The following TCF3 variants were observed in gnomAD, a reference collection of about 807,000 sequenced individuals.
TCF3 encodes the protein transcription factor E2-alpha.
A neutral mutation model predicts 72.3 loss-of-function variants in TCF3; 54 were observed. That is an observed-to-expected ratio of 0.75 (90% CI 0.60 to 0.94). TCF3 has a LOEUF of 0.94. Ranked by LOEUF, TCF3 falls within the 40% of genes least tolerant of loss-of-function variation. TCF3 has a pLI of 0.00. For synonymous variants in TCF3, 525 were observed against 412.6 expected, an observed-to-expected ratio of 1.27 and a Z score of -3.30; for missense variants, 1,078 against 934.4, an observed-to-expected ratio of 1.15 and a Z score of -2.00.
chr19:1,640,490 G>C (rs1466893009), intron 3 of TCF3, among the ~76,000 whole-genome samples: 2 of 152,074 alleles, frequency 1.3e-5, no homozygotes, highest in African/African-American at 4.8e-5. Context: ...AGAATTCCCA[G>C]TGAATAAGCC....
At chr19:1,613,788 C>T (rs2061277646) in intron 18 of TCF3, among the ~76,000 whole-genome samples, 1 of 151,970 alleles carries the variant, frequency 6.6e-6, no homozygotes. Flanking sequence ...CCAAGATGAG[C>T]CCTCCCTGAG....
At position 1,611,630 on chromosome 19, in the gene TCF3, C is replaced by T; in HGVS notation, c.*77G>A. 6.5e-7 allele frequency: 1 copy of T among 1,539,632 alleles called. No individual in the cohort carries two copies. Among genetic ancestry groups the T allele is most frequent in the Non-Finnish European group, 8.8e-7 (1 of 1,140,028 alleles). On this transcript the variant is annotated 3_prime_UTR_variant, in exon 19 of 19. Transcript: ENST00000262965. ...TGTGAGGTGTGGATGTGGATGAAGC[C>T]CGGGGTCTCGAGTGGCCGTTCTGGG...
chr19:1,624,244 A>G (rs912482070), intron 7 of TCF3, among the ~76,000 whole-genome samples: 2 of 152,138 alleles, frequency 1.3e-5, no homozygotes, highest in Admixed American at 1.3e-4. Flanking sequence ...GAAAATACAA[A>G]AAGTAGCCGG....
intron 3 of TCF3, among the ~76,000 whole-genome samples, chr19:1,644,517 C>G (rs1600097130): frequency 6.6e-6 from 1 of 152,210 alleles, no homozygotes; most frequent in Non-Finnish European, 1.5e-5. Flanking sequence ...AGCCTCCGCC[C>G]TAACGTGTGA....
chr19:1,639,210 A>G (rs1169381938), intron 3 of TCF3, among the ~76,000 whole-genome samples: 2 of 152,152 alleles, frequency 1.3e-5, no homozygotes, highest in Non-Finnish European at 2.9e-5. Context: ...TGCCTGGCTA[A>G]TTTTTTATAT....
chr19:1,640,527 C>G (rs934488886), intron 3 of TCF3, among the ~76,000 whole-genome samples: 1 of 150,956 alleles, frequency 6.6e-6, no homozygotes, highest in Non-Finnish European at 1.5e-5. Flanking sequence ...GCACAGTGCT[C>G]AAGAAACACT....
intron 3 of TCF3, among the ~76,000 whole-genome samples, chr19:1,642,154 A>G (rs1024667253): frequency 1.3e-5 from 2 of 151,658 alleles, no homozygotes; most frequent in African/African-American, 2.4e-5. Context: ...ACACACACAC[A>G]CACACACACA....
At chr19:1,639,074 C>G (rs1568467607) in intron 3 of TCF3, among the ~76,000 whole-genome samples, 1 of 152,168 alleles carries the variant, frequency 6.6e-6, no homozygotes, top group Non-Finnish European at 1.5e-5. Flanking sequence ...GACAGAGTCT[C>G]GCTGTGTCGC....
intron 3 of TCF3, among the ~76,000 whole-genome samples, chr19:1,633,072 G>A (rs2144964031): frequency 6.8e-6 from 1 of 146,172 alleles, no homozygotes; most frequent in South Asian, 2.4e-4. Context: ...CAAGGGACGG[G>A]ACGAGGACCT....
intron 3 of TCF3, among the ~76,000 whole-genome samples, chr19:1,638,658 G>C (rs1203141090): frequency 1.3e-5 from 2 of 150,390 alleles, no homozygotes; most frequent in African/African-American, 2.5e-5. Context: ...CGGACGTTGA[G>C]AGCGCGAGAA....
intron 7 of TCF3, among the ~76,000 whole-genome samples, chr19:1,624,489 G>T (rs932109217): frequency 6.6e-6 from 1 of 152,186 alleles, no homozygotes; most frequent in Non-Finnish European, 1.5e-5. Context: ...GTTTTCTCCC[G>T]CGACGCGCAG....
intron 8 of TCF3, among the ~76,000 whole-genome samples, chr19:1,623,158 T>G (rs933563637): frequency 2.0e-5 from 3 of 151,796 alleles, no homozygotes; most frequent in African/African-American, 7.3e-5. Context: ...GGTGAGGAGA[T>G]GTATGCCCAG....
intron 3 of TCF3, among the ~76,000 whole-genome samples, chr19:1,644,295 T>G (rs915851084): frequency 6.6e-6 from 1 of 151,586 alleles, no homozygotes; most frequent in African/African-American, 2.4e-5. Flanking sequence ...CCTGGGGGAG[T>G]GGAGGCAATG....
At chr19:1,647,118 G>C (rs1600147870) in intron 2 of TCF3, among the ~76,000 whole-genome samples, 1 of 152,324 alleles carries the variant, frequency 6.6e-6, no homozygotes, top group East Asian at 1.9e-4. Context: ...CCCCACAGCT[G>C]ATCCAGCTCC....
Position 1,609,471 on chromosome 19 carries a change from AC to A in TCF3, c.*2235del, listed in dbSNP as rs1189438971. Reference sequence around the variant, plus strand: ...AACCATCTTGAGGCACTCAGATCACACCCCCCACCCCCCATAATTGTGGTTC... The same window carrying A: ...AACCATCTTGAGGCACTCAGATCACACCCCCACCCCCCATAATTGTGGTTC... On this transcript the variant is annotated 3_prime_UTR_variant, in exon 19 of 19. Coordinates refer to ENST00000262965, the MANE Select transcript of TCF3 (RefSeq NM_003200.5). The A allele has an allele frequency of 1.4e-5, 3 of 207,002 alleles. No individual in the cohort carries two copies. Among genetic ancestry groups the A allele is most frequent in the South Asian group, 1.9e-4 (1 of 5,238 alleles). The allele number at this position is 207,002 out of a possible 1,614,324, so 12.8% of individuals were successfully genotyped here. A position where few individuals can be genotyped will look rare whatever the true frequency, so the allele number is the denominator to read the frequency against.
chr19:1,637,002 G>A (rs976438642), intron 3 of TCF3, among the ~76,000 whole-genome samples: 3 of 152,184 alleles, frequency 2.0e-5, no homozygotes, highest in African/African-American at 7.2e-5. Flanking sequence ...CCCTCGGGTA[G>A]AGGCACAGTG....
At position 1,640,045 on chromosome 19, in the gene TCF3, C is replaced by T. The variant is rs181068701; in HGVS notation, c.145+6310G>A. On this transcript the variant is annotated intron_variant, in intron 3 of 18. Transcript: ENST00000262965. ...AGAGAGAGAAAATGCACAGGGCAGC[C>T]GAGTCAAGAACAAAGAAACCACCTA... Among the ~76,000 whole-genome samples the T allele has an allele frequency of 3.9e-5, 6 of 152,278 alleles. No individual in the cohort carries two copies. In the East Asian group the frequency reaches 7.7e-4, roughly 20 times the overall value.
chr19:1,617,348 C>T (rs927190193), intron 16 of TCF3, among the ~76,000 whole-genome samples: 1 of 152,238 alleles, frequency 6.6e-6, no homozygotes, highest in African/African-American at 2.4e-5. Flanking sequence ...ATGTACCCCA[C>T]ACACAACATA....
At chr19:1,621,310 C>A (rs1314335224) in intron 11 of TCF3, 119 bp from the exon 12 acceptor site, 9 of 1,254,500 alleles carry the variant, frequency 7.2e-6, no homozygotes, top group Non-Finnish European at 9.8e-6. Flanking sequence ...AGCAGCCTGA[C>A]TCGGGTCCGG....
Sources: allele counts gnomAD v4.1 joint callset (sites outside exome capture counted in the v4.1 genomes callset), GRCh38; gene constraint gnomAD v4.1.1; transcripts MANE v1.5; gene names NCBI Gene and HGNC (gene_info 2026-07-23, HGNC 2026-07-21).